Variants in EIPR1 observed in about 807,000 individuals in gnomAD.
The protein encoded by EIPR1 is EARP and GARP complex-interacting protein 1.
Under a neutral mutation model 48.1 loss-of-function variants are expected in EIPR1, and 25 were observed. The ratio of observed to expected loss-of-function variants is 0.52; its 90% confidence interval spans 0.38 to 0.73. EIPR1 has a LOEUF of 0.73. Ranked by LOEUF, EIPR1 falls within the 30% of genes least tolerant of loss-of-function variation. EIPR1 has a pLI of 0.00. For missense variants in EIPR1, 415 were observed against 506.2 expected, an observed-to-expected ratio of 0.82 and a Z score of 1.73; for synonymous variants, 204 against 201.9, an observed-to-expected ratio of 1.01 and a Z score of -0.09.
At chr2:3,376,547 C>T (rs1282749074) in intron 1 of EIPR1, among the ~76,000 whole-genome samples, 8 of 151,996 alleles carry the variant, frequency 5.3e-5, no homozygotes, top group South Asian at 2.1e-4. Context: ...AAAAATTAGT[C>T]GGGCGTGGTG....
chr2:3,263,227 C>T (rs533837214), intron 3 of EIPR1, among the ~76,000 whole-genome samples: 1 of 152,194 alleles, frequency 6.6e-6, no homozygotes, highest in African/African-American at 2.4e-5. Context: ...CTGCTCTGGC[C>T]ATCCCTGTGG....
intron 4 of EIPR1, among the ~76,000 whole-genome samples, chr2:3,247,353 C>T (rs1342026589): frequency 6.6e-6 from 1 of 152,176 alleles, no homozygotes; most frequent in Non-Finnish European, 1.5e-5. Context: ...AACTCTTGAA[C>T]AGCTGGAGAG....
intron 3 of EIPR1, among the ~76,000 whole-genome samples, chr2:3,292,222 G>C (rs916769155): frequency 6.6e-6 from 1 of 152,248 alleles, no homozygotes; most frequent in African/African-American, 2.4e-5. Context: ...TGCGCGGCCA[G>C]ACTGGGACCC....
At chr2:3,293,216 C>T (rs893845529) in intron 3 of EIPR1, among the ~76,000 whole-genome samples, 1 of 152,198 alleles carries the variant, frequency 6.6e-6, no homozygotes, top group Non-Finnish European at 1.5e-5. Context: ...AGATGAGGGC[C>T]TCCCCTTGAG....
At position 3,244,805 on chromosome 2, in the gene EIPR1, T is replaced by C. The variant is rs557592743; in HGVS notation, c.416+12494A>G. On this transcript the variant is annotated intron_variant, in intron 4 of 8. Transcript: ENST00000382125. ...TTGTGCTAAAGCAGCCCAAATGGAC[T>C]AAGGCGTTTTCTGAGCCATTCGCCT... Among the ~76,000 whole-genome samples the C allele has an allele frequency of 5.3e-5, 8 of 152,320 alleles. No homozygotes were observed. In the East Asian group the frequency reaches 9.6e-4, roughly 18 times the overall value.
At chr2:3,236,459 T>C (rs1666408874) in intron 4 of EIPR1, among the ~76,000 whole-genome samples, 1 of 152,110 alleles carries the variant, frequency 6.6e-6, no homozygotes, top group Admixed American at 6.5e-5. Context: ...GAGGAGGACA[T>C]GGGGATCTGT....
chr2:3,319,160 G>A (rs1669413557), intron 3 of EIPR1: 5 of 338,650 alleles, frequency 1.5e-5, no homozygotes, highest in South Asian at 1.2e-4. Flanking sequence ...CATCCTGCGT[G>A]ACAAAAACCA....
At chr2:3,351,393 A>T (rs1304861550) in intron 2 of EIPR1, among the ~76,000 whole-genome samples, 1 of 152,204 alleles carries the variant, frequency 6.6e-6, no homozygotes, top group Non-Finnish European at 1.5e-5. Context: ...CATTCTGGCT[A>T]AGAGCAGGTA....
At chr2:3,356,130 G>A (rs536418584) in intron 1 of EIPR1, among the ~76,000 whole-genome samples, 24 of 152,300 alleles carry the variant, frequency 1.6e-4, no homozygotes, top group Middle Eastern at 3.4e-3. Context: ...GGAGCCGGAC[G>A]GCCCTTCAGA....
chr2:3,245,672 G>A (rs992940255), intron 4 of EIPR1, among the ~76,000 whole-genome samples: 1 of 152,238 alleles, frequency 6.6e-6, no homozygotes, highest in African/African-American at 2.4e-5. Context: ...CTGCTCAGGA[G>A]CCAGTAACCA....
intron 3 of EIPR1, among the ~76,000 whole-genome samples, chr2:3,305,391 G>A (rs369441695): frequency 2.2e-5 from 3 of 137,016 alleles, no homozygotes; most frequent in East Asian, 2.2e-4. Context: ...CTCCACTCCC[G>A]TCCAGTTCAA....
At chr2:3,253,177 T>G (rs1016778189) in intron 4 of EIPR1, among the ~76,000 whole-genome samples, 1 of 152,224 alleles carries the variant, frequency 6.6e-6, no homozygotes, top group African/African-American at 2.4e-5. Flanking sequence ...TCAGTTGATC[T>G]CAGGTCTTTA....
chr2:3,376,277 A>G (rs920163490), intron 1 of EIPR1, among the ~76,000 whole-genome samples: 1 of 152,196 alleles, frequency 6.6e-6, no homozygotes, highest in Non-Finnish European at 1.5e-5. Context: ...TTTATTGGCA[A>G]GGAAACCGAG....
At chr2:3,303,840 A>G (rs1390908335) in intron 3 of EIPR1, among the ~76,000 whole-genome samples, 2 of 152,220 alleles carry the variant, frequency 1.3e-5, no homozygotes, top group African/African-American at 2.4e-5. Context: ...GAATCACAGC[A>G]GGCTGACCAG....
rs566185843 is a variant in EIPR1 at position 3,354,727 on chromosome 2, C to T, written c.43-94G>A. 9.9e-6 allele frequency: 12 copies of T among 1,211,360 alleles called. No homozygotes were observed. The South Asian group carries it at 1.5e-4, about 15-fold the overall frequency. The allele number at this position is 1,211,360 out of a possible 1,614,324, so 75.0% of individuals were successfully genotyped here. ...TTAAAAAGGCAGTTTATCTCATCTA[C>T]TGTTGATAAAGTATAAATTAGTACA... is the stretch of plus-strand genomic sequence containing the variant. On this transcript the variant is annotated intron_variant, in intron 1 of 8. Transcript: ENST00000382125.
chr2:3,284,707 G>T (rs1668123708), intron 3 of EIPR1, among the ~76,000 whole-genome samples: 1 of 152,222 alleles, frequency 6.6e-6, no homozygotes, highest in Non-Finnish European at 1.5e-5. Flanking sequence ...CTCAAATGGA[G>T]CCAGGATTCC....
chr2:3,289,121 G>A (rs569592310), intron 3 of EIPR1, among the ~76,000 whole-genome samples: 136 of 152,288 alleles, frequency 8.9e-4, no homozygotes, highest in South Asian at 3.7e-3. Flanking sequence ...TCTCCCCACC[G>A]GTTTCAGGGG....
At chr2:3,202,813 A>G (rs4854134) in intron 5 of EIPR1, among the ~76,000 whole-genome samples, 142,400 of 152,314 alleles carry the variant, frequency 0.93, 66,664 homozygotes, top group East Asian at 0.98. Context: ...ACACATCCTA[A>G]CCTTCAGCTT....
rs1670943275 is a variant in EIPR1 at position 3,365,183 on chromosome 2, A to C, written c.43-10550T>G. 2.0e-5 allele frequency among the ~76,000 whole-genome samples: 3 copies of C among 151,908 alleles called. No individual in the cohort carries two copies. In the South Asian group the frequency reaches 6.2e-4, roughly 31 times the overall value. On this transcript the variant is annotated intron_variant, in intron 1 of 8. Coordinates refer to ENST00000382125, the MANE Select transcript of EIPR1 (RefSeq NM_003310.5). ...CTGGGTGTGGTGGCTCAAGACTATA[A>C]TTCCACAACTGTAAGAGGCCAAGGC... is the stretch of plus-strand genomic sequence containing the variant.
Sources: gnomAD v4.1 joint callset for allele counts (sites outside exome capture counted in the v4.1 genomes callset) on GRCh38, gnomAD v4.1.1 for gene constraint, MANE v1.5 for transcripts, NCBI Gene and HGNC (gene_info 2026-07-23, HGNC 2026-07-21) for gene names.